Variants in STOX2 observed in about 807,000 individuals in gnomAD.
STOX2 encodes storkhead-box protein 2.
A neutral mutation model predicts 60.9 loss-of-function variants in STOX2; 28 were observed. That is an observed-to-expected ratio of 0.46 (90% CI 0.34 to 0.63). STOX2 has a LOEUF of 0.63. Among genes scored for constraint, STOX2 ranks in the 30% least tolerant of loss-of-function variants. The pLI is 0.01. For synonymous variants in STOX2, 472 were observed against 463.9 expected (o/e 1.02, Z -0.22); for missense variants, 1,024 against 1,187.7 (o/e 0.86, Z 2.03).
chr4:183,837,333 A>C (rs1739735372), intron 1 of STOX2, among the ~76,000 whole-genome samples: 1 of 152,008 alleles, frequency 6.6e-6, no homozygotes, highest in African/African-American at 2.4e-5. Flanking sequence ...ATCCCCTGGC[A>C]CCCTTTATTC....
chr4:183,842,561 T>C (rs779111405), intron 1 of STOX2, among the ~76,000 whole-genome samples: 6 of 152,224 alleles, frequency 3.9e-5, no homozygotes, highest in Non-Finnish European at 8.8e-5. Flanking sequence ...TTTATATATT[T>C]AATAAAGTAT....
In STOX2 at chr4:183,866,276, A is replaced by C. The variant is rs80231290; in HGVS notation, c.364+68221A>C. Among the ~76,000 whole-genome samples, 46 of 152,232 alleles carry C rather than the reference A, an allele frequency of 3.0e-4. No individual in the cohort carries two copies. In the East Asian group the frequency reaches 8.3e-3, roughly 27 times the overall value. On this transcript the variant is annotated intron_variant, in intron 1 of 2. Transcript: ENST00000513034. Reference sequence around the variant, plus strand: ...ACCCCGAGCCTGTTCTTTCCTTGCCAAAAACCCTAATTGCTGGTTTTCCTA... The same window carrying C: ...ACCCCGAGCCTGTTCTTTCCTTGCCCAAAACCCTAATTGCTGGTTTTCCTA...
rs565256973 is a variant in STOX2, at chr4:184,009,083, A to C, written c.320-75A>C. 79 of 1,180,772 alleles carry C rather than the reference A, an allele frequency of 6.7e-5. No individual in the cohort carries two copies. Among genetic ancestry groups the C allele is most frequent in the Non-Finnish European group, 8.8e-5 (75 of 852,236 alleles). 73.1% of individuals were successfully genotyped at this position (1,180,772 alleles called of 1,614,324 possible). A position where few individuals can be genotyped will look rare whatever the true frequency, so the allele number is the denominator to read the frequency against. On this transcript the variant is annotated intron_variant, in intron 2 of 3. Coordinates refer to ENST00000308497, the MANE Select transcript of STOX2 (RefSeq NM_020225.3). This position sits in a 1 kb window ranked among gnomAD's most constrained non-coding sequence, Gnocchi z 4.0. ...TGGTACTTCGCATCTTGGCGAATGAATAGGATCCTGGAAATCAGGAATCCA... is the reference window on the plus strand; with the variant it reads ...TGGTACTTCGCATCTTGGCGAATGACTAGGATCCTGGAAATCAGGAATCCA...
intron 1 of STOX2, among the ~76,000 whole-genome samples, chr4:183,964,173 G>A (rs1383856443): frequency 6.6e-6 from 1 of 152,164 alleles, no homozygotes; most frequent in African/African-American, 2.4e-5. Flanking sequence ...TGAATTAATG[G>A]CACAAGGGAG....
At chr4:183,917,767 A>T (rs1741974781) in intron 1 of STOX2, among the ~76,000 whole-genome samples, 1 of 152,224 alleles carries the variant, frequency 6.6e-6, no homozygotes, top group Non-Finnish European at 1.5e-5. Flanking sequence ...GTCTATGTTC[A>T]TCAAATGCCT....
chr4:183,962,866 T>TGA (rs1743451919), intron 1 of STOX2, among the ~76,000 whole-genome samples: 2 of 152,212 alleles, frequency 1.3e-5, no homozygotes, highest in Non-Finnish European at 2.9e-5. Context: ...ATACTTTTCT[T>TGA]TAGAAATTCA....
intron 1 of STOX2, among the ~76,000 whole-genome samples, chr4:183,855,064 A>C (rs1740255415): frequency 6.6e-6 from 1 of 152,236 alleles, no homozygotes; most frequent in Non-Finnish European, 1.5e-5. Flanking sequence ...TGGTAACCTA[A>C]GATTCACAGA....
intron 1 of STOX2, among the ~76,000 whole-genome samples, chr4:183,937,442 T>C (rs1742618860): frequency 6.6e-6 from 1 of 152,210 alleles, no homozygotes; most frequent in Admixed American, 6.5e-5. Flanking sequence ...CATATGACCT[T>C]TTCTTTATTG....
At chr4:183,880,899 G>A (rs999183376) in intron 1 of STOX2, among the ~76,000 whole-genome samples, 1 of 152,074 alleles carries the variant, frequency 6.6e-6, no homozygotes, top group Non-Finnish European at 1.5e-5. Flanking sequence ...ACTCTAAGGA[G>A]GAAATTTTTT....
rs1238549298 is a variant in STOX2, at chr4:183,879,171, A to G, written c.364+81116A>G. ...TGGGGTGAAGGAGTTGGTGAGAATTATGTGTAGAGACCCCAGGCAGCCTCA... is the reference window on the plus strand; with the variant it reads ...TGGGGTGAAGGAGTTGGTGAGAATTGTGTGTAGAGACCCCAGGCAGCCTCA... On this transcript the variant is annotated intron_variant, in intron 1 of 2. Coordinates refer to the STOX2 transcript ENST00000513034. 2.0e-5 allele frequency among the ~76,000 whole-genome samples: 3 copies of G among 152,292 alleles called. No homozygotes were observed. The East Asian group carries it at 5.8e-4, about 29-fold the overall frequency.
intron 1 of STOX2, among the ~76,000 whole-genome samples, chr4:183,918,759 C>G (rs1742004944): frequency 6.6e-6 from 1 of 152,184 alleles, no homozygotes; most frequent in Non-Finnish European, 1.5e-5. Context: ...AATTGGAGGT[C>G]CACTCTTCAC....
intron 1 of STOX2, 103 bp downstream of exon 1, chr4:183,907,059 C>A: frequency 3.0e-6 from 3 of 1,015,484 alleles, no homozygotes; most frequent in Middle Eastern, 4.7e-4. Flanking sequence ...GTGATGGATG[C>A]GATAAGTTAT....
At chr4:183,935,674 G>A (rs1018280770) in intron 1 of STOX2, among the ~76,000 whole-genome samples, 3 of 152,186 alleles carry the variant, frequency 2.0e-5, no homozygotes, top group African/African-American at 7.2e-5. Context: ...TTCACCTGTA[G>A]AAACAAGTAC....
At chr4:183,904,626 ATTAT>A (rs376068268), upstream of STOX2, among the ~76,000 whole-genome samples, 1 of 152,192 alleles carries the variant, frequency 6.6e-6, no homozygotes, top group African/African-American at 2.4e-5. Flanking sequence ...CTACTTAGTG[ATTAT>A]TTATTTATTT....
intron 1 of STOX2, among the ~76,000 whole-genome samples, chr4:183,807,532 C>T (rs1226846924): frequency 6.6e-6 from 1 of 152,208 alleles, no homozygotes; most frequent in African/African-American, 2.4e-5. Context: ...CGCCTTCCCT[C>T]TTTGTCATTT....
Position 184,021,392 on chromosome 4 carries a change from C to G in STOX2, c.*4108C>G, listed in dbSNP as rs1446383111. 6.6e-6 allele frequency: 1 copy of G among 151,688 alleles called. No individual in the cohort carries two copies. The highest frequency in any genetic ancestry group is 1.5e-5 in the Non-Finnish European group (1 of 67,990). The allele number at this position is 151,688 out of a possible 1,614,324, so 9.4% of individuals were successfully genotyped here. A position where few individuals can be genotyped will look rare whatever the true frequency, so the allele number is the denominator to read the frequency against. On this transcript the variant is annotated 3_prime_UTR_variant, in exon 4 of 4. Transcript: ENST00000308497. ...TACAATGCTATTTTTCTGATGTGTG[C>G]TAATAAAGTCAAAGAAAACAAATAC... is the stretch of plus-strand genomic sequence containing the variant.
At chr4:183,873,735 A>G (rs1045301655) in intron 1 of STOX2, among the ~76,000 whole-genome samples, 1 of 152,316 alleles carries the variant, frequency 6.6e-6, no homozygotes, top group Non-Finnish European at 1.5e-5. Context: ...TAAATCAGGC[A>G]TATAATTAGT....
At chr4:183,824,151 C>T (rs752015819) in intron 1 of STOX2, among the ~76,000 whole-genome samples, 35 of 152,134 alleles carry the variant, frequency 2.3e-4, no homozygotes, top group African/African-American at 5.6e-4. Context: ...GCTCATAAAC[C>T]GTCACCTACT....
At chr4:183,798,092 C>T in intron 1 of STOX2, 1 of 1,224,604 alleles carries the variant, frequency 8.2e-7, no homozygotes. Context: ...CCGTCCCTTC[C>T]CACCGGATCG....
Sources: gnomAD v4.1 joint callset for allele counts (sites outside exome capture counted in the v4.1 genomes callset) on GRCh38, gnomAD v4.1.1 for gene constraint, Gnocchi (gnomAD v3.1) non-coding constraint, MANE v1.5 for transcripts, NCBI Gene and HGNC (gene_info 2026-07-23, HGNC 2026-07-21) for gene names.